The following CDC42SE2 variants were observed in gnomAD, a reference collection of about 807,000 sequenced individuals.
CDC42SE2 encodes the protein CDC42 small effector protein 2.
CDC42SE2 carries 3 observed loss-of-function variants against 11.5 expected under a neutral mutation model. The observed-to-expected ratio is 0.26, with a 90% CI of 0.12 to 0.67. CDC42SE2 has a LOEUF of 0.67. CDC42SE2 is among the 30% of genes least tolerant of loss of function. CDC42SE2 has a pLI of 0.80. For synonymous variants in CDC42SE2, 33 were observed against 34.8 expected (o/e 0.95, Z 0.18); for missense variants, 82 against 106.8 (o/e 0.77, Z 1.02).
chr5:131,278,548 G>A (rs1263821950), intron 1 of CDC42SE2, among the ~76,000 whole-genome samples: 1 of 150,948 alleles, frequency 6.6e-6, no homozygotes, highest in Non-Finnish European at 1.5e-5. Context: ...GCCATGGTGG[G>A]ACATTTACAG....
chr5:131,298,974 C>T (rs974705033), intron 1 of CDC42SE2, among the ~76,000 whole-genome samples: 1 of 152,150 alleles, frequency 6.6e-6, no homozygotes, highest in Middle Eastern at 3.4e-3. Context: ...GGGAATGATT[C>T]CTGAAGGAAA....
chr5:131,366,297 G>A (rs1051320256), intron 3 of CDC42SE2, among the ~76,000 whole-genome samples: 1 of 152,192 alleles, frequency 6.6e-6, no homozygotes, highest in Non-Finnish European at 1.5e-5. Context: ...TTTCAAAACT[G>A]TGGAACAGAC....
chr5:131,314,838 G>A (rs1385141222), intron 1 of CDC42SE2, among the ~76,000 whole-genome samples: 1 of 152,098 alleles, frequency 6.6e-6, no homozygotes, highest in African/African-American at 2.4e-5. Context: ...CTTTAATGAA[G>A]TACCAGTATT....
intron 1 of CDC42SE2, among the ~76,000 whole-genome samples, chr5:131,275,409 G>T (rs1757081591): frequency 6.6e-6 from 1 of 151,214 alleles, no homozygotes; most frequent in Non-Finnish European, 1.5e-5. Context: ...CAATTCTTGT[G>T]CCTCAGCCTC....
intron 2 of CDC42SE2, among the ~76,000 whole-genome samples, chr5:131,323,186 CTGGCTTTTT>C (rs1758227971): frequency 6.7e-6 from 1 of 149,658 alleles, no homozygotes; most frequent in Admixed American, 6.6e-5. Flanking sequence ...GCCACCACAC[CTGGCTTTTT>C]TTTTTTTTTT....
chr5:131,392,847 G>A lies in CDC42SE2; in HGVS notation c.*1756G>A, dbSNP rs975425509. ...CTGTACTACTAACTGCAGACCTCCA[G>A]AGTCACTGGCCTTTCTGTGCTCTAC... is the stretch of plus-strand genomic sequence containing the variant. On this transcript the variant is annotated 3_prime_UTR_variant, in exon 5 of 5. Transcript: ENST00000505065. 1.3e-5 allele frequency: 2 copies of A among 152,308 alleles called. No homozygotes were observed. Among genetic ancestry groups the A allele is most frequent in the Non-Finnish European group, 2.9e-5 (2 of 68,054 alleles). The allele number at this position is 152,308 out of a possible 1,614,324, so 9.4% of individuals were successfully genotyped here. A position where few individuals can be genotyped will look rare whatever the true frequency, so the allele number is the denominator to read the frequency against.
intron 2 of CDC42SE2, among the ~76,000 whole-genome samples, chr5:131,256,534 C>T (rs1756681249): frequency 1.3e-5 from 2 of 152,220 alleles, no homozygotes; most frequent in Admixed American, 6.5e-5. Flanking sequence ...AGGTTCTCTG[C>T]TCACGGTATC....
chr5:131,226,314 G>C, the CDC42SE2 span, among the ~76,000 whole-genome samples: 2 of 152,206 alleles, frequency 1.3e-5, no homozygotes, highest in Non-Finnish European at 2.9e-5. Flanking sequence ...AAGCAGGAAA[G>C]CTCTAGGTTT....
chr5:131,233,387 T>C, the CDC42SE2 span, among the ~76,000 whole-genome samples: 32 of 152,302 alleles, frequency 2.1e-4, no homozygotes, highest in Middle Eastern at 0.01. Context: ...TTTTTTGTTT[T>C]GGGACAGATT....
At chr5:131,285,744 T>C (rs116417188) in intron 1 of CDC42SE2, among the ~76,000 whole-genome samples, 3,971 of 152,274 alleles carry the variant, frequency 0.026, 159 homozygotes, top group African/African-American at 0.088. Context: ...TAGATTAATA[T>C]ATTCAAGAAC....
At chr5:131,319,207 C>T (rs79205911) in intron 2 of CDC42SE2, among the ~76,000 whole-genome samples, 1 of 151,978 alleles carries the variant, frequency 6.6e-6, no homozygotes, top group Non-Finnish European at 1.5e-5. Flanking sequence ...GGAGAAAGGT[C>T]GATATGACTT....
At chr5:131,289,838 C>CT (rs879873763) in intron 1 of CDC42SE2, among the ~76,000 whole-genome samples, 63 of 147,690 alleles carry the variant, frequency 4.3e-4, no homozygotes, top group African/African-American at 4.9e-4. Context: ...AGAGAAATGA[C>CT]TTTTTTTTTT....
upstream of CDC42SE2, among the ~76,000 whole-genome samples, chr5:131,263,345 T>C (rs1017555305): frequency 4.6e-5 from 7 of 152,124 alleles, no homozygotes; most frequent in African/African-American, 1.7e-4. Context: ...CGCTATCCTT[T>C]TGAACTTACG....
Position 131,381,603 on chromosome 5 carries a change from G to C in CDC42SE2, c.55-3940G>C, listed in dbSNP as rs191773246. 2.0e-5 allele frequency among the ~76,000 whole-genome samples: 3 copies of C among 152,294 alleles called. No individual in the cohort carries two copies. In the East Asian group the frequency reaches 5.8e-4, roughly 29 times the overall value. ...CTCCCAAAGTGCTGGGATTACAGGC[G>C]TGAGCCACCACATCCGGCCCAAATG... On this transcript the variant is annotated intron_variant, in intron 3 of 4. Transcript: ENST00000505065.
In CDC42SE2 at chr5:131,392,375, C is replaced by T. The variant is rs1750686127; in HGVS notation, c.*1284C>T. 1 of 152,678 alleles carries T rather than the reference C, an allele frequency of 6.5e-6. No individual in the cohort carries two copies. The allele number at this position is 152,678 out of a possible 1,614,324, so 9.5% of individuals were successfully genotyped here. ...TGAAGTTGTTGCTTCGGTAAGAGCC[C>T]ATGGGATGCCAGAAATTAACATTTC... On this transcript the variant is annotated 3_prime_UTR_variant, in exon 5 of 5. Coordinates refer to ENST00000505065, the MANE Select transcript of CDC42SE2 (RefSeq NM_001375635.1).
intron 1 of CDC42SE2, among the ~76,000 whole-genome samples, chr5:131,298,369 G>T (rs1271645460): frequency 1.3e-5 from 2 of 151,760 alleles, no homozygotes; most frequent in Non-Finnish European, 2.9e-5. Flanking sequence ...TGATCCACCC[G>T]CCTTGGCCTC....
At chr5:131,260,264 C>T (rs1246233075), upstream of CDC42SE2, among the ~76,000 whole-genome samples, 1 of 152,106 alleles carries the variant, frequency 6.6e-6, no homozygotes, top group Non-Finnish European at 1.5e-5. Flanking sequence ...ACTCTGACTC[C>T]GTACACCATG....
At chr5:131,244,085 A>G (rs1227411503), upstream of CDC42SE2, among the ~76,000 whole-genome samples, 1 of 152,246 alleles carries the variant, frequency 6.6e-6, no homozygotes, top group Non-Finnish European at 1.5e-5. Context: ...AAAAAGTAGT[A>G]CTAGAGATAG....
At chr5:131,340,505 C>T (rs1057136933) in intron 2 of CDC42SE2, among the ~76,000 whole-genome samples, 5 of 152,070 alleles carry the variant, frequency 3.3e-5, no homozygotes, top group African/African-American at 1.2e-4. Context: ...ATTCTTTTAA[C>T]AGCGTATCTG....
Sources: allele counts gnomAD v4.1 joint callset (sites outside exome capture counted in the v4.1 genomes callset), GRCh38; gene constraint gnomAD v4.1.1; transcripts MANE v1.5; gene names NCBI Gene and HGNC (gene_info 2026-07-23, HGNC 2026-07-21).